The following MLPH variants were observed in gnomAD, a reference collection of about 807,000 sequenced individuals.
MLPH encodes the protein exophilin-3.
Under a neutral mutation model 72.1 loss-of-function variants are expected in MLPH, and 51 were observed. The observed-to-expected ratio is 0.71, with a 90% CI of 0.56 to 0.89. The LOEUF (loss-of-function observed/expected upper bound fraction) is 0.89, where lower values mean the gene tolerates loss of function less well. Among genes scored for constraint, MLPH ranks in the 40% least tolerant of loss-of-function variants. MLPH has a pLI of 0.00. For missense variants in MLPH, 743 were observed against 759.9 expected (o/e 0.98, Z 0.26); for synonymous variants, 301 against 310.1 (o/e 0.97, Z 0.31).
At position 237,542,635 on chromosome 2, in the gene MLPH, GC is replaced by G; in HGVS notation, c.1519del (p.Arg507GlyfsTer41). 6.3e-7 allele frequency: 1 copy of G among 1,592,572 alleles called. No homozygotes were observed. The highest frequency in any genetic ancestry group is 8.5e-7 in the Non-Finnish European group (1 of 1,170,328). On this transcript the variant is annotated frameshift_variant, in exon 12 of 16. Transcript: ENST00000264605. LOFTEE classifies it high-confidence loss of function. ...AGLTVKPSGKPRRKSNLPIFL... is the reference protein window; with the variant it reads ...AGLTVKPSGKXRRKSNLPIFL... ...GGCTCACGGTGAAGCCCTCGGGAAA[GC>G]CCCGGAGGAAGTCAAACCTCCCGGT...
At chr2:237,497,545 C>A (rs1339833764) in intron 2 of MLPH, among the ~76,000 whole-genome samples, 1 of 152,216 alleles carries the variant, frequency 6.6e-6, no homozygotes, top group South Asian at 2.1e-4. Flanking sequence ...ACACGCCTCG[C>A]AGTGTGCTCT....
At chr2:237,525,521 T>G in intron 6 of MLPH, 80 bp from the exon 7 acceptor site, 1 of 1,456,364 alleles carries the variant, frequency 6.9e-7, no homozygotes. Flanking sequence ...CCTCAGGGCT[T>G]GGATTGAAAG....
At position 237,510,912 on chromosome 2, in the gene MLPH, T is replaced by C. The variant is rs771830869; in HGVS notation, c.333-77T>C. On this transcript the variant is annotated intron_variant, in intron 3 of 15. Transcript: ENST00000264605. This position sits in a 1 kb window ranked among gnomAD's most constrained non-coding sequence, Gnocchi z 4.4. Reference sequence around the variant, plus strand: ...ACATGCACACACTCGTGTGTGTGTGTGTGTGTGTGTGTGAGATTTATGCAG... The same window carrying C: ...ACATGCACACACTCGTGTGTGTGTGCGTGTGTGTGTGTGAGATTTATGCAG... 27 of 1,489,468 alleles carry C rather than the reference T, an allele frequency of 1.8e-5. No homozygotes were observed. In the African/African-American group the frequency reaches 3.3e-4, roughly 18 times the overall value. The allele number at this position is 1,489,468 out of a possible 1,614,324, so 92.3% of individuals were successfully genotyped here.
chr2:237,547,160 C>T (rs948622593), intron 13 of MLPH, among the ~76,000 whole-genome samples: 8 of 152,244 alleles, frequency 5.3e-5, no homozygotes, highest in Non-Finnish European at 1.0e-4. Context: ...ACAGGCACAG[C>T]GGGCCCGTGG....
chr2:237,489,352 A>G (rs537264361), intron 1 of MLPH, among the ~76,000 whole-genome samples: 91 of 152,360 alleles, frequency 6.0e-4, no homozygotes, highest in African/African-American at 2.2e-3. Flanking sequence ...ACACCCTCCC[A>G]GTGCTGTTGC....
intron 7 of MLPH, among the ~76,000 whole-genome samples, chr2:237,526,163 C>T (rs2080300653): frequency 6.6e-6 from 1 of 152,208 alleles, no homozygotes; most frequent in Non-Finnish European, 1.5e-5. Context: ...GGCATTGCCA[C>T]TGCTGGCCCA....
intron 8 of MLPH, among the ~76,000 whole-genome samples, chr2:237,531,239 G>T (rs1006703516): frequency 6.6e-6 from 1 of 152,070 alleles, no homozygotes; most frequent in African/African-American, 2.4e-5. Flanking sequence ...GTTATTCTGA[G>T]AAAAGGGGAA....
In MLPH at chr2:237,505,861, C is replaced by G. The variant is rs1441064325; in HGVS notation, c.111-4713C>G. On this transcript the variant is annotated intron_variant, in intron 2 of 15. Transcript: ENST00000264605. The surrounding 1 kb of genome is among the most constrained non-coding windows in gnomAD (Gnocchi z 4.5). ...GCTCTGGCATGCGTGTCCCAGGGCC[C>G]TCTGGAGGTGGGACTGCAGAGGACA... Among the ~76,000 whole-genome samples the G allele has an allele frequency of 6.6e-6, 1 of 152,226 alleles. No individual in the cohort carries two copies. Among genetic ancestry groups the G allele is most frequent in the Non-Finnish European group, 1.5e-5 (1 of 68,036 alleles).
chr2:237,551,345 G>A (rs1157710562), intron 14 of MLPH, among the ~76,000 whole-genome samples: 1 of 152,268 alleles, frequency 6.6e-6, no homozygotes, highest in African/African-American at 2.4e-5. Context: ...AAAAGGAAAA[G>A]GACAAAGTCC....
At position 237,540,784 on chromosome 2, in the gene MLPH, C is replaced by T. The variant is rs766350555; in HGVS notation, c.1291-18C>T. 45 of 1,612,386 alleles carry T rather than the reference C, an allele frequency of 2.8e-5. No homozygotes were observed. The highest frequency in any genetic ancestry group is 6.7e-5 in the East Asian group (3 of 44,832). ...CTCCCTCCTGCTGCTGGTCAGCCTC[C>T]GTCCTTCTCTTTCCTAGGTGGGCAC... is the stretch of plus-strand genomic sequence containing the variant. On this transcript the variant is annotated intron_variant, in intron 10 of 15. Coordinates refer to ENST00000264605, the MANE Select transcript of MLPH (RefSeq NM_024101.7).
chr2:237,513,140 G>T (rs1399474210), intron 4 of MLPH, among the ~76,000 whole-genome samples: 1 of 151,800 alleles, frequency 6.6e-6, no homozygotes, highest in Non-Finnish European at 1.5e-5. Flanking sequence ...AAAGCTTAAG[G>T]TTAATGTTTT....
chr2:237,551,998 A>G, intron 14 of MLPH: 1 of 207,680 alleles, frequency 4.8e-6, no homozygotes, highest in Non-Finnish European at 9.6e-6. Context: ...AAAAGAAAGA[A>G]CAAAAAAGAA....
intron 8 of MLPH, among the ~76,000 whole-genome samples, chr2:237,531,245 G>A (rs968444899): frequency 6.6e-6 from 1 of 152,026 alleles, no homozygotes; most frequent in Admixed American, 6.6e-5. Context: ...CTGAGAAAAG[G>A]GGAAGAGCCA....
chr2:237,495,305 C>T (rs1300726701), intron 2 of MLPH, among the ~76,000 whole-genome samples: 2 of 152,204 alleles, frequency 1.3e-5, no homozygotes, highest in Non-Finnish European at 2.9e-5. Flanking sequence ...GGCAAAGTCC[C>T]TTTTGCTATG....
At position 237,545,237 on chromosome 2, in the gene MLPH, C is replaced by G. The variant is rs1200802716; in HGVS notation, c.1540-1369C>G. On this transcript the variant is annotated intron_variant, in intron 12 of 15. Coordinates refer to ENST00000264605, the MANE Select transcript of MLPH (RefSeq NM_024101.7). ...TGAGTGGGGACAGTGGTGAGTGGGG[C>G]ACAGTGGTGAGTGAGGGGAACACAG... 2.1e-3 allele frequency among the ~76,000 whole-genome samples: 244 copies of G among 117,404 alleles called. 5 individuals are homozygous for G. The highest frequency in any genetic ancestry group is 9.0e-3 in the African/African-American group (216 of 24,020). 77.0% of individuals were successfully genotyped at this position (117,404 alleles called of 152,430 possible). A position where few individuals can be genotyped will look rare whatever the true frequency, so the allele number is the denominator to read the frequency against.
At position 237,541,957 on chromosome 2, in the gene MLPH, G is replaced by T. The variant is rs570384623; in HGVS notation, c.1447-610G>T. On this transcript the variant is annotated intron_variant, in intron 11 of 15. Coordinates refer to ENST00000264605, the MANE Select transcript of MLPH (RefSeq NM_024101.7). This position sits in a 1 kb window ranked among gnomAD's most constrained non-coding sequence, Gnocchi z 5.1. Reference sequence around the variant, plus strand: ...GGAGGCCGGGTGGAGGGAGCAGCCCGTGCCAAGGCCCTGGGGTGGCAGTGG... The same window carrying T: ...GGAGGCCGGGTGGAGGGAGCAGCCCTTGCCAAGGCCCTGGGGTGGCAGTGG... 1.7e-4 allele frequency among the ~76,000 whole-genome samples: 26 copies of T among 152,348 alleles called. 1 individual carries two copies. In the South Asian group the frequency reaches 4.6e-3, roughly 27 times the overall value.
chr2:237,510,912 T>TGTGC lies in MLPH; in HGVS notation c.333-74_333-73insCGTG, dbSNP rs765723595. On this transcript the variant is annotated intron_variant, in intron 3 of 15. Coordinates refer to ENST00000264605, the MANE Select transcript of MLPH (RefSeq NM_024101.7). This position sits in a 1 kb window ranked among gnomAD's most constrained non-coding sequence, Gnocchi z 4.4. The stretch of plus-strand genomic sequence containing the variant: ...ACATGCACACACTCGTGTGTGTGTG[T>TGTGC]GTGTGTGTGTGTGAGATTTATGCAG... The TGTGC allele has an allele frequency of 3.4e-6, 5 of 1,489,472 alleles. No homozygotes were observed. The Admixed American group carries it at 8.4e-5, about 25-fold the overall frequency. 92.3% of individuals were successfully genotyped at this position (1,489,472 alleles called of 1,614,324 possible).
At chr2:237,531,861 C>G (rs1482374706) in intron 8 of MLPH, among the ~76,000 whole-genome samples, 2 of 152,080 alleles carry the variant, frequency 1.3e-5, no homozygotes, top group African/African-American at 4.8e-5. Flanking sequence ...GAACAGTGAC[C>G]TGGGGGGCCC....
rs186217972 is a variant in MLPH, at chr2:237,546,015, G to C, written c.1540-591G>C. On this transcript the variant is annotated intron_variant, in intron 12 of 15. Transcript: ENST00000264605. ...CCCGAGGTGGTTAGGGGTACAATTT[G>C]CTTTTATACATCTTAGGGGGACATG... 3.5e-3 allele frequency among the ~76,000 whole-genome samples: 535 copies of C among 152,288 alleles called. 3 individuals carry two copies. The highest frequency in any genetic ancestry group is 4.5e-3 in the Non-Finnish European group (304 of 68,018).
Sources: allele counts gnomAD v4.1 joint callset (sites outside exome capture counted in the v4.1 genomes callset), GRCh38; gene constraint gnomAD v4.1.1; non-coding constraint Gnocchi (gnomAD v3.1); transcripts MANE v1.5; gene names NCBI Gene and HGNC (gene_info 2026-07-23, HGNC 2026-07-21).